Variants in LGR6 observed in about 807,000 individuals in gnomAD.
LGR6 encodes the protein leucine-rich repeat-containing G protein-coupled receptor 6.
LGR6 carries 45 observed loss-of-function variants against 69.4 expected under a neutral mutation model. The ratio of observed to expected loss-of-function variants is 0.65; its 90% confidence interval spans 0.51 to 0.83. The LOEUF is 0.83. Ranked by LOEUF, LGR6 falls within the 40% of genes least tolerant of loss-of-function variation. LGR6 has a pLI of 0.00. For missense variants in LGR6, 1,108 were observed against 1,246.7 expected, an observed-to-expected ratio of 0.89 and a Z score of 1.68; for synonymous variants, 538 against 555.0, an observed-to-expected ratio of 0.97 and a Z score of 0.43.
chr1:202,218,946 C>G (rs114678559), intron 1 of LGR6, among the ~76,000 whole-genome samples: 1 of 152,164 alleles, frequency 6.6e-6, no homozygotes, highest in Non-Finnish European at 1.5e-5. Flanking sequence ...ATGGCCCAGA[C>G]CTTGTCCTGG....
intron 4 of LGR6, among the ~76,000 whole-genome samples, chr1:202,244,589 TTCTCTCTGTG>T (rs1662490426): frequency 6.6e-6 from 1 of 151,978 alleles, no homozygotes; most frequent in African/African-American, 2.4e-5. Flanking sequence ...TTTCTCCTCT[TTCTCTCTGTG>T]TCTCTCTGTG....
chr1:202,247,084 C>T (rs1179436142), intron 4 of LGR6, among the ~76,000 whole-genome samples: 1 of 152,188 alleles, frequency 6.6e-6, no homozygotes, highest in Non-Finnish European at 1.5e-5. Context: ...GTGCAGATCC[C>T]CAGGCCCCTT....
intron 1 of LGR6, among the ~76,000 whole-genome samples, chr1:202,197,795 A>G (rs548278388): frequency 6.6e-6 from 1 of 152,330 alleles, no homozygotes; most frequent in African/African-American, 2.4e-5. Context: ...CAGACAGCAC[A>G]TAACTTGTTG....
chr1:202,243,347 G>A (rs1558030570), intron 4 of LGR6, among the ~76,000 whole-genome samples: 2 of 152,114 alleles, frequency 1.3e-5, no homozygotes, highest in East Asian at 3.9e-4. Context: ...GCCTGGGGAG[G>A]TAGGGGATGT....
chr1:202,261,623 G>C (rs578192191), intron 4 of LGR6, among the ~76,000 whole-genome samples: 1 of 152,138 alleles, frequency 6.6e-6, no homozygotes, highest in Non-Finnish European at 1.5e-5. Flanking sequence ...TGGGTCAAAT[G>C]GTATTTCTAG....
chr1:202,256,336 C>T (rs1046957575), intron 4 of LGR6, among the ~76,000 whole-genome samples: 2 of 151,996 alleles, frequency 1.3e-5, no homozygotes, highest in Non-Finnish European at 2.9e-5. Context: ...CACTGTCTCC[C>T]GGGTTCAAGC....
intron 1 of LGR6, among the ~76,000 whole-genome samples, chr1:202,221,212 C>T (rs1660132229): frequency 6.6e-6 from 1 of 152,082 alleles, no homozygotes; most frequent in African/African-American, 2.4e-5. Flanking sequence ...CCAATCCCCT[C>T]GGGCCCTGGG....
chr1:202,287,655 C>G (rs1666490134), intron 6 of LGR6, among the ~76,000 whole-genome samples: 1 of 152,206 alleles, frequency 6.6e-6, no homozygotes, highest in African/African-American at 2.4e-5. Context: ...GTGATGGCAG[C>G]TTTACTCCTG....
intron 3 of LGR6, among the ~76,000 whole-genome samples, chr1:202,232,980 C>T (rs1195936548): frequency 6.6e-6 from 1 of 152,130 alleles, no homozygotes; most frequent in African/African-American, 2.4e-5. Context: ...GAAATGAGAA[C>T]AGGGACATCA....
chr1:202,248,148 G>C (rs763032895), intron 4 of LGR6, among the ~76,000 whole-genome samples: 55 of 152,348 alleles, frequency 3.6e-4, no homozygotes, highest in Admixed American at 7.8e-4. Context: ...ACCGGCTGAG[G>C]CTGCGTGGGT....
chr1:202,210,275 G>A (rs1659409954), intron 1 of LGR6, among the ~76,000 whole-genome samples: 1 of 152,090 alleles, frequency 6.6e-6, no homozygotes, highest in African/African-American at 2.4e-5. Context: ...AGAAAGCAGG[G>A]GCCTGGCCAC....
intron 4 of LGR6, among the ~76,000 whole-genome samples, chr1:202,240,565 T>C (rs1190662203): frequency 6.6e-6 from 1 of 151,944 alleles, no homozygotes; most frequent in African/African-American, 2.4e-5. Context: ...GACATCAGTG[T>C]GTGTGTGTGT....
chr1:202,280,678 C>A, intron 5 of LGR6, 103 bp from the exon 6 acceptor site: 1 of 1,008,062 alleles, frequency 9.9e-7, no homozygotes, highest in Non-Finnish European at 1.6e-6. Flanking sequence ...GTCATTCTGT[C>A]CATGCTTCTG....
intron 1 of LGR6, among the ~76,000 whole-genome samples, chr1:202,213,737 C>G (rs1261116025): frequency 1.3e-5 from 2 of 152,164 alleles, no homozygotes. Context: ...ATATTAGATA[C>G]TATTTTATAG....
At chr1:202,224,490 G>T (rs1391776903) in intron 1 of LGR6, among the ~76,000 whole-genome samples, 1 of 152,148 alleles carries the variant, frequency 6.6e-6, no homozygotes, top group African/African-American at 2.4e-5. Context: ...CTAAGACAGT[G>T]GTCCCTAACC....
chr1:202,214,343 G>C, intron 1 of LGR6: 3 of 1,172,534 alleles, frequency 2.6e-6, no homozygotes, highest in Non-Finnish European at 3.5e-6. Flanking sequence ...CGCTACCCGG[G>C]CCGGCCCTAA....
intron 4 of LGR6, among the ~76,000 whole-genome samples, chr1:202,253,459 T>C (rs1400520613): frequency 2.3e-5 from 3 of 129,792 alleles, no homozygotes; most frequent in African/African-American, 5.8e-5. Context: ...CCCACCACCA[T>C]GCCTGGCTAA....
rs2148089644 is a variant in LGR6, at chr1:202,258,022, G to A, written c.429-18284G>A. Among the ~76,000 whole-genome samples the A allele has an allele frequency of 2.0e-5, 3 of 152,002 alleles. No individual in the cohort carries two copies. The South Asian group carries it at 6.2e-4, about 32-fold the overall frequency. On this transcript the variant is annotated intron_variant, in intron 4 of 17. Coordinates refer to ENST00000367278, the MANE Select transcript of LGR6 (RefSeq NM_001017403.2). ...TTGTCATTTTGAGAGTATAGGTTTT[G>A]CACTGTTTTTGTTAAATTTATTCCT...
chr1:202,236,450 G>T (rs768946718), intron 4 of LGR6: 37 of 173,804 alleles, frequency 2.1e-4, no homozygotes, highest in Non-Finnish European at 3.4e-4. Context: ...TCTACTTGGG[G>T]GTGGGACTGT....
Sources: gnomAD v4.1 joint callset for allele counts (sites outside exome capture counted in the v4.1 genomes callset) on GRCh38, gnomAD v4.1.1 for gene constraint, MANE v1.5 for transcripts, NCBI Gene and HGNC (gene_info 2026-07-23, HGNC 2026-07-21) for gene names.